ZNF451: variants seen among roughly 807,000 people sequenced by gnomAD.
The protein encoded by ZNF451 is zinc finger protein 451.
In ZNF451, 80 loss-of-function variants were observed where a neutral mutation model predicts 107.1. That is an observed-to-expected ratio of 0.75 (90% confidence interval 0.62 to 0.90). The LOEUF (loss-of-function observed/expected upper bound fraction) is 0.90. ZNF451 is among the 40% of genes least tolerant of loss of function. ZNF451 has a pLI of 0.00. For synonymous variants in ZNF451, 362 were observed against 406.5 expected, an observed-to-expected ratio of 0.89 and a Z score of 1.32; for missense variants, 1,107 against 1,236.2, an observed-to-expected ratio of 0.90 and a Z score of 1.57.
chr6:57,143,711 AG>A (rs1267976355), intron 9 of ZNF451, among the ~76,000 whole-genome samples: 2 of 152,136 alleles, frequency 1.3e-5, no homozygotes, highest in African/African-American at 4.8e-5. Flanking sequence ...GACAGCCAAG[AG>A]CAAAGTGAAC....
chr6:57,150,902 C>T (rs747887916), intron 11 of ZNF451, 40 bp downstream of exon 11: 1 of 1,610,930 alleles, frequency 6.2e-7, no homozygotes, highest in Non-Finnish European at 8.5e-7. Context: ...CTTTTTCCCA[C>T]CTCTTAGAAT....
intron 3 of ZNF451, chr6:57,104,001 A>G (rs1427263286): frequency 3.0e-6 from 3 of 985,174 alleles, no homozygotes; most frequent in African/African-American, 1.7e-5. Flanking sequence ...TGTTTGTCCT[A>G]TTTGTAGATT....
At chr6:57,118,776 C>T (rs1830492835) in intron 3 of ZNF451, among the ~76,000 whole-genome samples, 1 of 152,230 alleles carries the variant, frequency 6.6e-6, no homozygotes, top group African/African-American at 2.4e-5. Context: ...AGCTACTACG[C>T]TCGACCACTA....
At chr6:57,103,943 T>C (rs916243894) in intron 3 of ZNF451, 2 of 985,266 alleles carry the variant, frequency 2.0e-6, no homozygotes, top group African/African-American at 3.5e-5. Context: ...ATTTTCCTAC[T>C]TGGAAGAAAT....
At chr6:57,116,834 A>C (rs528847767) in intron 3 of ZNF451, 1 of 151,698 alleles carries the variant, frequency 6.6e-6, no homozygotes, top group African/African-American at 2.4e-5. Flanking sequence ...GCATGGTTGC[A>C]TGTACCTATA....
intron 3 of ZNF451, chr6:57,104,604 A>T (rs781287696): frequency 1.5e-4 from 151 of 979,514 alleles, no homozygotes; most frequent in Non-Finnish European, 1.7e-4. Context: ...AATTGTGGTT[A>T]AAAAAAAAGA....
Position 57,148,396 on chromosome 6 carries a change from C to T in ZNF451, c.2311C>T (p.His771Tyr). Reference sequence around the variant, plus strand: ...ACAGAATTTAACCGACATGAACACTCATATCCATCAAGTGCACAAAGAAAA... The same window carrying T: ...ACAGAATTTAACCGACATGAACACTTATATCCATCAAGTGCACAAAGAAAA... ...TAQNLTDMNT[H>Y]IHQVHKEKSD... The change falls in exon 10 of 15, where the codon CAT (histidine) becomes TAT (tyrosine). Residue 771 changes from histidine (H) to tyrosine (Y), a missense_variant. This residue lies in a region of ZNF451 where 608 missense variants were observed against 649.2 expected (regional missense o/e 0.94). Transcript: ENST00000370706. The T allele has an allele frequency of 3.7e-6, 6 of 1,613,868 alleles. No individual in the cohort carries two copies. Among genetic ancestry groups the T allele is most frequent in the Non-Finnish European group, 5.1e-6 (6 of 1,179,868 alleles).
chr6:57,129,576 C>T (rs895790344), intron 5 of ZNF451, among the ~76,000 whole-genome samples: 6 of 152,154 alleles, frequency 3.9e-5, no homozygotes, highest in Admixed American at 3.3e-4. Flanking sequence ...TTTGTTGAAC[C>T]TAGGTATCTT....
At chr6:57,116,979 G>A (rs1477824401) in intron 3 of ZNF451, 1 of 151,904 alleles carries the variant, frequency 6.6e-6, no homozygotes, top group African/African-American at 2.4e-5. Context: ...TCACAGGGAA[G>A]AAGTAAGCCC....
intron 6 of ZNF451, among the ~76,000 whole-genome samples, chr6:57,133,790 T>G (rs1445218787): frequency 6.6e-6 from 1 of 152,060 alleles, no homozygotes; most frequent in Non-Finnish European, 1.5e-5. Flanking sequence ...TCCTCCCATC[T>G]CAGCCTCCTG....
At chr6:57,102,774 A>C (rs1829667865) in intron 3 of ZNF451, 1 of 985,312 alleles carries the variant, frequency 1.0e-6, no homozygotes. Flanking sequence ...ATGGACACCA[A>C]CTGGAAAAAG....
At position 57,150,716 on chromosome 6, in the gene ZNF451, C is replaced by A; in HGVS notation, c.2609-3C>A. On this transcript the variant is annotated splice_polypyrimidine_tract_variant and splice_region_variant and intron_variant, in intron 10 of 14. Coordinates refer to ENST00000370706, the MANE Select transcript of ZNF451 (RefSeq NM_001031623.3). ...ACTCATGTTGATATTTCTCTCTTCT[C>A]AGAGGAAGAAATTGTTGAGCTTCCA... The A allele has an allele frequency of 6.3e-7, 1 of 1,596,880 alleles. No individual in the cohort carries two copies. The highest frequency in any genetic ancestry group is 1.2e-5 in the South Asian group (1 of 86,730).
In ZNF451 at chr6:57,147,642, G is replaced by T. The variant is rs1320384926; in HGVS notation, c.1557G>T (p.Arg519=). ...GGGTCATTCGTTTACACATGAGCCGGATTCACGGAGGGGCACATTTAAATA... is the reference window on the plus strand; with the variant it reads ...GGGTCATTCGTTTACACATGAGCCGTATTCACGGAGGGGCACATTTAAATA... ...DSGVIRLHMS[R]IHGGAHLNNF... The change falls in exon 10 of 15, where the codon CGG becomes CGT. Residue 519 remains arginine, a synonymous_variant. Transcript: ENST00000370706. 1 of 1,614,030 alleles carries T rather than the reference G, an allele frequency of 6.2e-7. No homozygotes were observed. The highest frequency in any genetic ancestry group is 1.1e-5 in the South Asian group (1 of 91,090).
rs1483311935 is a variant in ZNF451, at chr6:57,147,979, A to G, written c.1894A>G (p.Lys632Glu). The change falls in exon 10 of 15, where the codon AAG becomes GAG. Residue 632 changes from lysine (K) to glutamate (E), a missense_variant. By Grantham distance (56) the Lys-to-Glu change is moderately conservative. Transcript: ENST00000370706. ...KQHCMSLASH[K>E]FHRYSCAHCR... is the part of the protein sequence containing the mutation. Reference sequence around the variant, plus strand: ...GCACTGCATGTCTTTGGCAAGCCACAAGTTTCATAGATACAGCTGTGCTCA... The same window carrying G: ...GCACTGCATGTCTTTGGCAAGCCACGAGTTTCATAGATACAGCTGTGCTCA... 14 of 1,614,122 alleles carry G rather than the reference A, an allele frequency of 8.7e-6. No homozygotes were observed. Among genetic ancestry groups the G allele is most frequent in the Non-Finnish European group, 1.1e-5 (13 of 1,179,978 alleles).
intron 2 of ZNF451, 141 bp from the exon 3 acceptor site, chr6:57,098,920 C>A: frequency 1.7e-6 from 1 of 572,636 alleles, no homozygotes; most frequent in South Asian, 2.6e-5. Flanking sequence ...TGCTTTTGTT[C>A]TGGTTATTTT....
intron 3 of ZNF451, among the ~76,000 whole-genome samples, chr6:57,100,134 C>A (rs1360629313): frequency 6.7e-6 from 1 of 150,070 alleles, no homozygotes; most frequent in African/African-American, 2.4e-5. Context: ...TCAGAGGTGC[C>A]TAAAATGACT....
At chr6:57,095,212 A>G (rs575688742) in intron 2 of ZNF451, among the ~76,000 whole-genome samples, 23 of 152,160 alleles carry the variant, frequency 1.5e-4, no homozygotes, top group African/African-American at 5.3e-4. Flanking sequence ...GTGATTTTCA[A>G]CATGATTCCC....
chr6:57,106,153 G>C, intron 3 of ZNF451: 1 of 985,312 alleles, frequency 1.0e-6, no homozygotes, highest in Non-Finnish European at 1.2e-6. Context: ...ACACATTCCG[G>C]AATCCCTTTG....
In ZNF451 at chr6:57,147,894, G is replaced by C. The variant is rs1442833561; in HGVS notation, c.1809G>C (p.Arg603Ser). 12 of 1,613,998 alleles carry C rather than the reference G, an allele frequency of 7.4e-6. No homozygotes were observed. The highest frequency in any genetic ancestry group is 1.1e-5 in the South Asian group (1 of 91,082). ...IDHSPANSSP[R>S]GKWQCRICED... ...ATTCCCCGGCAAATAGTTCTCCGAG[G>C]GGTAAATGGCAATGCCGGATTTGTG... Residue 603 changes from arginine to serine, a missense_variant, in exon 10 of 15, where the codon AGG becomes AGC. By Grantham distance (110) the Arg-to-Ser change is moderately radical. Around this residue, in one of 5 missense-constraint regions of ZNF451, gnomAD observed 608 missense variants for 649.2 expected, o/e 0.94. Coordinates refer to ENST00000370706, the MANE Select transcript of ZNF451 (RefSeq NM_001031623.3).
Sources: gnomAD v4.1 joint callset for allele counts (sites outside exome capture counted in the v4.1 genomes callset) on GRCh38, gnomAD v4.1.1 for gene constraint, gnomAD v4.1.1 regional missense constraint, MANE v1.5 for transcripts, NCBI Gene and HGNC (gene_info 2026-07-23, HGNC 2026-07-21) for gene names.